The following NRF1 variants were observed in gnomAD, a reference collection of about 807,000 sequenced individuals.
The protein encoded by NRF1 is nuclear respiratory factor 1, also known as alpha palindromic-binding protein.
In NRF1, 5 loss-of-function variants were observed where a neutral mutation model predicts 58.5. That is an observed-to-expected ratio of 0.09 (90% CI 0.04 to 0.18). NRF1 has a LOEUF of 0.18. Ranked by LOEUF, NRF1 falls within the 10% of genes least tolerant of loss-of-function variation. NRF1 has a pLI of 1.00. For synonymous variants in NRF1, 224 were observed against 246.7 expected, an observed-to-expected ratio of 0.91 and a Z score of 0.86; for missense variants, 288 against 657.7, an observed-to-expected ratio of 0.44 and a Z score of 6.15.
intron 4 of NRF1, among the ~76,000 whole-genome samples, chr7:129,685,378 G>C (rs1435374286): frequency 6.6e-6 from 1 of 152,066 alleles, no homozygotes; most frequent in East Asian, 1.9e-4. Context: ...CTGCGTGACA[G>C]AGCAAGACCT....
At chr7:129,717,777 C>T (rs964542634) in intron 9 of NRF1, among the ~76,000 whole-genome samples, 1 of 152,198 alleles carries the variant, frequency 6.6e-6, no homozygotes, top group African/African-American at 2.4e-5. Flanking sequence ...TCAAGCCTTC[C>T]CGTTTATCCT....
At chr7:129,667,714 T>C (rs1801953075) in intron 2 of NRF1, among the ~76,000 whole-genome samples, 1 of 150,372 alleles carries the variant, frequency 6.7e-6, no homozygotes, top group African/African-American at 2.4e-5. Context: ...GTAGAAGTTA[T>C]AATTTTTTTA....
At chr7:129,630,152 A>G (rs916696210) in intron 1 of NRF1, 4 of 152,238 alleles carry the variant, frequency 2.6e-5, no homozygotes, top group African/African-American at 9.6e-5. Flanking sequence ...GCTGACATTT[A>G]AACAGGACAA....
chr7:129,702,835 TGG>T (rs1802861871), intron 5 of NRF1, among the ~76,000 whole-genome samples: 1 of 152,204 alleles, frequency 6.6e-6, no homozygotes, highest in Non-Finnish European at 1.5e-5. Context: ...GCAGATATGT[TGG>T]TCTGAAAGAC....
At chr7:129,648,099 A>G (rs1018568900) in intron 1 of NRF1, among the ~76,000 whole-genome samples, 7 of 150,728 alleles carry the variant, frequency 4.6e-5, no homozygotes, top group South Asian at 2.1e-4. Flanking sequence ...ATAAAAATCA[A>G]TAGTCTTTTG....
At chr7:129,612,252 C>G (rs1179662793) in intron 1 of NRF1, among the ~76,000 whole-genome samples, 4 of 150,280 alleles carry the variant, frequency 2.7e-5, no homozygotes, top group Admixed American at 2.6e-4. Flanking sequence ...GGACCGGAGC[C>G]GCGGCTCTCG....
chr7:129,669,284 G>A (rs1801992657), intron 2 of NRF1, among the ~76,000 whole-genome samples: 1 of 152,110 alleles, frequency 6.6e-6, no homozygotes, highest in Non-Finnish European at 1.5e-5. Flanking sequence ...TTTTTAAAAT[G>A]TATTGAATGT....
At chr7:129,618,455 GGAGGCCAAGGCA>G (rs1800701199) in intron 1 of NRF1, among the ~76,000 whole-genome samples, 1 of 152,186 alleles carries the variant, frequency 6.6e-6, no homozygotes, top group Non-Finnish European at 1.5e-5. Flanking sequence ...TAACACTTTA[GGAGGCCAAGGCA>G]GAGGATCACT....
At chr7:129,725,028 T>C (rs1803417713) in intron 9 of NRF1, among the ~76,000 whole-genome samples, 1 of 152,116 alleles carries the variant, frequency 6.6e-6, no homozygotes, top group Non-Finnish European at 1.5e-5. Context: ...CTGGGCAGCA[T>C]AGCAAGATCC....
At chr7:129,634,276 C>A (rs1562955040) in intron 1 of NRF1, among the ~76,000 whole-genome samples, 1 of 152,040 alleles carries the variant, frequency 6.6e-6, no homozygotes, top group Non-Finnish European at 1.5e-5. Context: ...TTTGTGCAGT[C>A]TGTGGATTTT....
rs1484619541 is a variant in NRF1 at position 129,614,109 on chromosome 7, A to C, written c.-7+2285A>C. Among the ~76,000 whole-genome samples the C allele has an allele frequency of 2.0e-5, 3 of 152,128 alleles. No homozygotes were observed. In the East Asian group the frequency reaches 5.8e-4, roughly 29 times the overall value. ...CCAAGTCGGCAATTTTTGTGGAAAT[A>C]GTTCTCTTTTTCTTTTTCTTTTCTT... On this transcript the variant is annotated intron_variant, in intron 1 of 10. Transcript: ENST00000393232.
intron 9 of NRF1, among the ~76,000 whole-genome samples, chr7:129,726,162 C>T (rs1456827236): frequency 6.6e-6 from 1 of 152,230 alleles, no homozygotes; most frequent in Non-Finnish European, 1.5e-5. Flanking sequence ...TAAATGGCAC[C>T]ACCATCTCTA....
chr7:129,677,048 T>C (rs1202784939), intron 3 of NRF1, among the ~76,000 whole-genome samples: 2 of 146,386 alleles, frequency 1.4e-5, no homozygotes, highest in Non-Finnish European at 3.0e-5. Context: ...TCTTGCTCTG[T>C]TGCTCAGGCT....
chr7:129,685,876 A>G (rs1166322748), intron 4 of NRF1, among the ~76,000 whole-genome samples: 1 of 151,988 alleles, frequency 6.6e-6, no homozygotes, highest in Non-Finnish European at 1.5e-5. Flanking sequence ...TGGGAGGTCT[A>G]GGTGGGCAGA....
At position 129,643,654 on chromosome 7, in the gene NRF1, G is replaced by A. The variant is rs1406109155; in HGVS notation, c.-6-13692G>A. 2.0e-5 allele frequency among the ~76,000 whole-genome samples: 3 copies of A among 152,100 alleles called. No homozygotes were observed. The East Asian group carries it at 5.8e-4, about 29-fold the overall frequency. ...CTTTTTATTGATATGTGTAGCTTCT[G>A]GTAAGCGTCTACATATTTGAGAATG... On this transcript the variant is annotated intron_variant, in intron 1 of 10. Coordinates refer to ENST00000393232, the MANE Select transcript of NRF1 (RefSeq NM_005011.5).
intron 1 of NRF1, among the ~76,000 whole-genome samples, chr7:129,620,578 G>A (rs980125893): frequency 1.8e-4 from 28 of 151,864 alleles, no homozygotes; most frequent in African/African-American, 6.8e-4. Flanking sequence ...AGTAGAGATG[G>A]GATTTCACCA....
intron 1 of NRF1, among the ~76,000 whole-genome samples, chr7:129,640,094 A>G (rs1211721440): frequency 6.6e-6 from 1 of 152,166 alleles, no homozygotes; most frequent in East Asian, 1.9e-4. Flanking sequence ...CAAAGTAGCT[A>G]TTGTATATTA....
At chr7:129,657,635 C>CT in intron 2 of NRF1, 61 bp downstream of exon 2, 4 of 1,024,328 alleles carry the variant, frequency 3.9e-6, no homozygotes, top group Non-Finnish European at 5.6e-6. Flanking sequence ...TTGGAGACAG[C>CT]GTCTCACTCT....
chr7:129,619,749 T>C (rs1239434091), intron 1 of NRF1, among the ~76,000 whole-genome samples: 2 of 149,434 alleles, frequency 1.3e-5, no homozygotes, highest in East Asian at 3.9e-4. Flanking sequence ...TTTTTTTTTT[T>C]TTGCCTCTTT....
Sources: allele counts gnomAD v4.1 joint callset (sites outside exome capture counted in the v4.1 genomes callset), GRCh38; gene constraint gnomAD v4.1.1; transcripts MANE v1.5; gene names NCBI Gene and HGNC (gene_info 2026-07-23, HGNC 2026-07-21).